The following CDK14 variants were observed in gnomAD, a reference collection of about 807,000 sequenced individuals.
CDK14 encodes the protein cyclin dependent kinase 14.
A neutral mutation model predicts 60.7 loss-of-function variants in CDK14; 34 were observed. That is an observed-to-expected ratio of 0.56 (90% CI 0.43 to 0.75). The LOEUF is 0.75. CDK14 is among the 30% of genes least tolerant of loss of function. The probability of loss-of-function intolerance (pLI) is 0.00; values close to 1 mark genes in which losing one functional copy is unlikely to be tolerated. For missense variants in CDK14, 482 were observed against 564.1 expected (o/e 0.85, Z 1.47); for synonymous variants, 197 against 203.7 (o/e 0.97, Z 0.28).
At chr7:90,785,069 C>T (rs62469759) in intron 4 of CDK14, among the ~76,000 whole-genome samples, 11,158 of 152,232 alleles carry the variant, frequency 0.073, 513 homozygotes, top group South Asian at 0.11. Flanking sequence ...CGCAAGGAAA[C>T]GAGCATTGTA....
intron 2 of CDK14, among the ~76,000 whole-genome samples, chr7:90,723,306 A>G (rs576146022): frequency 7.9e-5 from 12 of 152,204 alleles, no homozygotes; most frequent in Non-Finnish European, 1.3e-4. Flanking sequence ...CTTAGTTCCT[A>G]TGGGTCTCTT....
intron 14 of CDK14, among the ~76,000 whole-genome samples, chr7:91,144,531 A>G (rs527889578): frequency 6.6e-6 from 1 of 152,266 alleles, no homozygotes; most frequent in East Asian, 1.9e-4. Flanking sequence ...ACCATTTTTA[A>G]TAGATTCAGA....
At chr7:90,737,120 A>G (rs1803151169) in intron 3 of CDK14, among the ~76,000 whole-genome samples, 1 of 152,196 alleles carries the variant, frequency 6.6e-6, no homozygotes, top group Non-Finnish European at 1.5e-5. Context: ...CTGATGTGAC[A>G]AACCTTCCCT....
chr7:90,784,033 C>A (rs183487431), intron 4 of CDK14, among the ~76,000 whole-genome samples: 1 of 151,988 alleles, frequency 6.6e-6, no homozygotes, highest in African/African-American at 2.4e-5. Flanking sequence ...TACAAGTGTC[C>A]GTCAGTGGAT....
Position 90,630,038 on chromosome 7 carries a change from C to CAAACAAAACA in CDK14, c.123+25830_123+25839dup, listed in dbSNP as rs55947583. Among the ~76,000 whole-genome samples, 668 of 102,846 alleles carry CAAACAAAACA rather than the reference C, an allele frequency of 6.5e-3. 3 individuals carry two copies. The highest frequency in any genetic ancestry group is 0.011 in the African/African-American group (304 of 27,728). The allele number at this position is 102,846 out of a possible 152,430, so 67.5% of individuals were successfully genotyped here. On this transcript the variant is annotated intron_variant, in intron 2 of 14. Transcript: ENST00000380050. ...TGGGCAACAGAACGAGACACTGTCT[C>CAAACAAAACA]AAACAAAACAAAACAAAACAAAACA...
At chr7:91,066,489 A>C (rs1797985155) in intron 11 of CDK14, among the ~76,000 whole-genome samples, 1 of 152,230 alleles carries the variant, frequency 6.6e-6, no homozygotes, top group African/African-American at 2.4e-5. Flanking sequence ...CTGTCATTGA[A>C]GTTAAAAACA....
At chr7:91,173,429 T>TA (rs34656228) in intron 14 of CDK14, among the ~76,000 whole-genome samples, 47,325 of 145,848 alleles carry the variant, frequency 0.32, 7,635 homozygotes, top group East Asian at 0.39. Context: ...CTGCATCTCT[T>TA]AAAAAAAAAA....
chr7:90,796,981 G>A (rs1431886691), intron 5 of CDK14, among the ~76,000 whole-genome samples: 2 of 151,652 alleles, frequency 1.3e-5, no homozygotes, highest in African/African-American at 2.4e-5. Context: ...TGATGAAAAA[G>A]TCAGAATCAA....
At chr7:90,933,234 CT>C (rs1472970800) in intron 8 of CDK14, among the ~76,000 whole-genome samples, 7 of 149,458 alleles carry the variant, frequency 4.7e-5, no homozygotes, top group African/African-American at 1.7e-4. Context: ...GAGCCATGAT[CT>C]TGCCACTGCA....
intron 1 of CDK14, among the ~76,000 whole-genome samples, chr7:90,598,128 A>AT (rs1222533489): frequency 5.9e-5 from 9 of 152,304 alleles, no homozygotes; most frequent in African/African-American, 2.2e-4. Flanking sequence ...GGAGTCCATT[A>AT]AGCCGTGTTC....
intron 11 of CDK14, among the ~76,000 whole-genome samples, chr7:91,073,141 C>T (rs1798202731): frequency 6.6e-6 from 1 of 151,894 alleles, no homozygotes; most frequent in South Asian, 2.1e-4. Flanking sequence ...CAAGACAGGC[C>T]AACATTCAAA....
chr7:90,895,359 A>ACCTCT (rs1792273023), intron 6 of CDK14, among the ~76,000 whole-genome samples: 1 of 10,650 alleles, frequency 9.4e-5, no homozygotes, highest in African/African-American at 3.5e-4. Context: ...TCCTCTCCTC[A>ACCTCT]CCTCTCCTCC....
chr7:90,866,759 C>T (rs1243549146), intron 6 of CDK14, among the ~76,000 whole-genome samples: 2 of 151,882 alleles, frequency 1.3e-5, no homozygotes, highest in Non-Finnish European at 2.9e-5. Context: ...TTCTGAAGGC[C>T]AGAATAATGA....
chr7:90,793,400 A>AT (rs1805912287), intron 5 of CDK14, among the ~76,000 whole-genome samples: 1 of 152,224 alleles, frequency 6.6e-6, no homozygotes, highest in African/African-American at 2.4e-5. Flanking sequence ...AAAGATTGTG[A>AT]TTTTTAAGGA....
chr7:91,086,027 C>G (rs895105121), intron 12 of CDK14, among the ~76,000 whole-genome samples: 2 of 152,066 alleles, frequency 1.3e-5, no homozygotes, highest in African/African-American at 4.8e-5. Flanking sequence ...AGTTAAGGGC[C>G]ACATGTGGTT....
At chr7:90,618,914 G>T (rs565794368) in intron 2 of CDK14, among the ~76,000 whole-genome samples, 3 of 152,192 alleles carry the variant, frequency 2.0e-5, no homozygotes, top group African/African-American at 4.8e-5. Flanking sequence ...TTTTTCTTTT[G>T]CTTTTTGATG....
At chr7:91,147,328 TAGAA>T (rs1332459558) in intron 14 of CDK14, among the ~76,000 whole-genome samples, 1 of 152,112 alleles carries the variant, frequency 6.6e-6, no homozygotes, top group Non-Finnish European at 1.5e-5. Context: ...TTTTCAATAT[TAGAA>T]AGAAAGTCCA....
intron 14 of CDK14, among the ~76,000 whole-genome samples, chr7:91,178,644 G>A (rs1326540730): frequency 8.5e-5 from 13 of 152,208 alleles, no homozygotes; most frequent in East Asian, 3.9e-4. Context: ...AAAGGTGGGC[G>A]AAGGACATGA....
At chr7:90,871,777 T>C (rs1300992992) in intron 6 of CDK14, among the ~76,000 whole-genome samples, 1 of 152,170 alleles carries the variant, frequency 6.6e-6, no homozygotes, top group Non-Finnish European at 1.5e-5. Context: ...ATTTTGCAGA[T>C]GAGGAAATTT....
Sources: gnomAD v4.1 joint callset for allele counts (sites outside exome capture counted in the v4.1 genomes callset) on GRCh38, gnomAD v4.1.1 for gene constraint, MANE v1.5 for transcripts, NCBI Gene and HGNC (gene_info 2026-07-23, HGNC 2026-07-21) for gene names.